The following TGFB1 variants were observed in gnomAD, a reference collection of about 807,000 sequenced individuals.
The protein encoded by TGFB1 is transforming growth factor beta-1 proprotein.
A neutral mutation model predicts 43.8 loss-of-function variants in TGFB1; 19 were observed. That is an observed-to-expected ratio of 0.43 (90% CI 0.30 to 0.64). TGFB1 has a LOEUF of 0.64. TGFB1 is among the 30% of genes least tolerant of loss of function. The probability of loss-of-function intolerance (pLI) is 0.11; values close to 1 mark genes in which losing one functional copy is unlikely to be tolerated. For synonymous variants in TGFB1, 221 were observed against 236.3 expected (o/e 0.94, Z 0.60); for missense variants, 445 against 529.8 (o/e 0.84, Z 1.57).
chr19:41,342,148 T>C (rs1485491988), intron 4 of TGFB1, 22 bp downstream of exon 4: 2 of 1,610,818 alleles, frequency 1.2e-6, no homozygotes, highest in Admixed American at 3.4e-5. Context: ...CAACTGGGCA[T>C]GGCCGGGGAA....
chr19:41,346,140 C>T (rs991622418), intron 2 of TGFB1, among the ~76,000 whole-genome samples: 2 of 152,034 alleles, frequency 1.3e-5, no homozygotes, highest in African/African-American at 4.8e-5. Flanking sequence ...CACCAGAGGT[C>T]AGAAGTTCGA....
chr19:41,342,172 T>C lies in TGFB1; in HGVS notation c.710A>G (p.Asn237Ser), dbSNP rs2038064236. ...ATGGCCGGGGAAGCAGGCCTCACCG[T>C]TGATGTCCACTTGCAGTGTGTTATC... ...SRDNTLQVDI[N>S]GFTTGRRGDL... The change falls in exon 4 of 7, where the codon AAC becomes AGC. Residue 237 changes from asparagine (N) to serine (S), a missense_variant and splice_region_variant. Asn to Ser is a conservative substitution (Grantham distance 46). Transcript: ENST00000221930. 1 of 1,609,986 alleles carries C rather than the reference T, an allele frequency of 6.2e-7. No homozygotes were observed. The highest frequency in any genetic ancestry group is 8.5e-7 in the Non-Finnish European group (1 of 1,178,102).
At chr19:41,350,851 C>G (rs2038181702) in intron 1 of TGFB1, 1 of 152,350 alleles carries the variant, frequency 6.6e-6, no homozygotes. Flanking sequence ...TCAGCAAACC[C>G]CAAAGGAAAG....
intron 2 of TGFB1, among the ~76,000 whole-genome samples, chr19:41,347,446 A>T (rs1290870045): frequency 6.6e-6 from 1 of 152,188 alleles, no homozygotes; most frequent in Non-Finnish European, 1.5e-5. Context: ...AACTTTCAAG[A>T]ATCCTGTGTC....
chr19:41,331,294 C>G, intron 6 of TGFB1, 84 bp from the exon 7 acceptor site: 5 of 1,407,402 alleles, frequency 3.6e-6, no homozygotes, highest in Non-Finnish European at 4.6e-6. Context: ...CACCCGCTAC[C>G]GCGCCAGCCT....
intron 1 of TGFB1, among the ~76,000 whole-genome samples, chr19:41,352,126 C>A (rs1341720597): frequency 6.6e-6 from 1 of 151,968 alleles, no homozygotes; most frequent in East Asian, 1.9e-4. Context: ...ACCCCCGCAT[C>A]CCGCGTGTTC....
intron 3 of TGFB1, among the ~76,000 whole-genome samples, chr19:41,343,980 C>T (rs868315578): frequency 7.2e-4 from 71 of 98,588 alleles, no homozygotes; most frequent in East Asian, 8.3e-4. Context: ...TGCCTGGAAT[C>T]TTTTTTTTTT....
At chr19:41,340,086 CA>C (rs2038037819) in intron 5 of TGFB1, among the ~76,000 whole-genome samples, 2 of 152,194 alleles carry the variant, frequency 1.3e-5, no homozygotes, top group African/African-American at 4.8e-5. Context: ...AGCATTCCAG[CA>C]TCTTATGATT....
At chr19:41,347,243 G>A (rs1481866605) in intron 2 of TGFB1, among the ~76,000 whole-genome samples, 5 of 152,082 alleles carry the variant, frequency 3.3e-5, no homozygotes, top group African/African-American at 1.2e-4. Context: ...GACTGGTCTC[G>A]GACTCCTGGG....
chr19:41,332,014 T>A, intron 6 of TGFB1, 114 bp downstream of exon 6: 3 of 1,236,070 alleles, frequency 2.4e-6, no homozygotes, highest in Non-Finnish European at 2.3e-6. Flanking sequence ...CCCATCCCTC[T>A]CTTTCTCCCC....
At chr19:41,339,031 GT>G (rs1265678968) in intron 5 of TGFB1, among the ~76,000 whole-genome samples, 1 of 151,604 alleles carries the variant, frequency 6.6e-6, no homozygotes, top group African/African-American at 2.4e-5. Context: ...ACTGGGTGAG[GT>G]TTCTTGCAGT....
At chr19:41,346,846 C>T (rs1181293886) in intron 2 of TGFB1, among the ~76,000 whole-genome samples, 1 of 152,200 alleles carries the variant, frequency 6.6e-6, no homozygotes, top group East Asian at 1.9e-4. Flanking sequence ...CCACCTCAGC[C>T]TCCCAAGTAG....
At chr19:41,335,695 T>G (rs2037981399) in intron 5 of TGFB1, among the ~76,000 whole-genome samples, 1 of 152,150 alleles carries the variant, frequency 6.6e-6, no homozygotes, top group Non-Finnish European at 1.5e-5. Flanking sequence ...CCGTCCAGTC[T>G]CTCAAGACCT....
rs1172164388 is a variant in TGFB1 at position 41,353,857 on chromosome 19, C to A, written c.-813G>T. The A allele has an allele frequency of 7.5e-5, 12 of 160,758 alleles. No individual in the cohort carries two copies. The highest frequency in any genetic ancestry group is 1.5e-4 in the Non-Finnish European group (11 of 74,042). 10.0% of individuals were successfully genotyped at this position (160,758 alleles called of 1,614,324 possible). On this transcript the variant is annotated 5_prime_UTR_variant, in exon 1 of 7. Coordinates refer to ENST00000221930, the MANE Select transcript of TGFB1 (RefSeq NM_000660.7). This position sits in a 1 kb window ranked among gnomAD's most constrained non-coding sequence, Gnocchi z 5.9. ...CCCCTGCCCCCGGCCGGGGCCCTCG[C>A]TGTCTGGCTGCTCCGCGGAGGGAGG...
Position 41,353,057 on chromosome 19 carries a change from GC to G in TGFB1, c.-14del, listed in dbSNP as rs749452831. The G allele has an allele frequency of 6.6e-6, 10 of 1,517,030 alleles. No individual in the cohort carries two copies. Among genetic ancestry groups the G allele is most frequent in the African/African-American group, 2.8e-5 (2 of 72,054 alleles). 94.0% of individuals were successfully genotyped at this position (1,517,030 alleles called of 1,614,324 possible). A position where few individuals can be genotyped will look rare whatever the true frequency, so the allele number is the denominator to read the frequency against. On this transcript the variant is annotated 5_prime_UTR_variant, in exon 1 of 7. Transcript: ENST00000221930. This position sits in a 1 kb window ranked among gnomAD's most constrained non-coding sequence, Gnocchi z 5.9. The stretch of plus-strand genomic sequence containing the variant: ...CGGAGGGCGGCATGGGGGAGGCGGC[GC>G]CCCCCGGCACTGCCGAGAGCGCGAA...
rs1319902634 is a variant in TGFB1 at position 41,331,029 on chromosome 19, G to A, written c.*23C>T. The A allele has an allele frequency of 2.7e-6, 4 of 1,493,856 alleles. No homozygotes were observed. Among genetic ancestry groups the A allele is most frequent in the Middle Eastern group, 2.4e-4 (1 of 4,196 alleles). 92.5% of individuals were successfully genotyped at this position (1,493,856 alleles called of 1,614,324 possible). On this transcript the variant is annotated 3_prime_UTR_variant, in exon 7 of 7. Transcript: ENST00000221930. ...GCGGGGTGGGGCCGGGCCTGCCGGG[G>A]CGGGGCGGGGCGGGGCGGGACCTCA...
rs1430567023 is a variant in TGFB1, at chr19:41,353,810, G to GC, written c.-767_-766insG. The GC allele has an allele frequency of 6.6e-6, 1 of 152,624 alleles. No individual in the cohort carries two copies. The highest frequency in any genetic ancestry group is 1.5e-5 in the Non-Finnish European group (1 of 68,484). The allele number at this position is 152,624 out of a possible 1,614,324, so 9.5% of individuals were successfully genotyped here. Reference sequence around the variant, plus strand: ...CCCCGCGGGCGGCTCAGAGCCGGGGGGGTGCCCCGGACGGGGCGTCCCCCC... The same window carrying GC: ...CCCCGCGGGCGGCTCAGAGCCGGGGGCGGTGCCCCGGACGGGGCGTCCCCCC... On this transcript the variant is annotated 5_prime_UTR_variant, in exon 1 of 7. Transcript: ENST00000221930. This position sits in a 1 kb window ranked among gnomAD's most constrained non-coding sequence, Gnocchi z 5.9.
At chr19:41,345,275 T>C (rs2038103301) in intron 2 of TGFB1, among the ~76,000 whole-genome samples, 1 of 151,952 alleles carries the variant, frequency 6.6e-6, no homozygotes, top group South Asian at 2.1e-4. Context: ...GGTGGGTGGA[T>C]CACTTGAGGT....
At chr19:41,347,074 A>G (rs2288873) in intron 2 of TGFB1, among the ~76,000 whole-genome samples, 95,079 of 151,656 alleles carry the variant, frequency 0.63, 31,258 homozygotes, top group African/African-American at 0.83. Flanking sequence ...CCAGGCTGGA[A>G]TGCAGTGGTG....
Sources: allele counts gnomAD v4.1 joint callset (sites outside exome capture counted in the v4.1 genomes callset), GRCh38; gene constraint gnomAD v4.1.1; non-coding constraint Gnocchi (gnomAD v3.1); transcripts MANE v1.5; gene names NCBI Gene and HGNC (gene_info 2026-07-23, HGNC 2026-07-21).